Variants in CNTLN observed in about 807,000 individuals in gnomAD.
The protein encoded by CNTLN is centlein, centrosomal protein.
A neutral mutation model predicts 180.0 loss-of-function variants in CNTLN; 212 were observed. The ratio of observed to expected loss-of-function variants is 1.18; its 90% CI spans 1.05 to 1.32. CNTLN has a LOEUF of 1.32. CNTLN is among the 40% of genes most tolerant of loss of function. The pLI is 0.00. For missense variants in CNTLN, 2,095 were observed against 1,610.9 expected, an observed-to-expected ratio of 1.30 and a Z score of -5.14; for synonymous variants, 722 against 563.1, an observed-to-expected ratio of 1.28 and a Z score of -3.99.
intron 16 of CNTLN, among the ~76,000 whole-genome samples, chr9:17,410,700 A>T (rs1827778660): frequency 6.6e-6 from 1 of 152,228 alleles, no homozygotes; most frequent in African/African-American, 2.4e-5. Flanking sequence ...TGATTTTCAC[A>T]TCAATGTCTA....
chr9:17,380,964 C>G (rs7028577), intron 13 of CNTLN, among the ~76,000 whole-genome samples: 35,752 of 152,124 alleles, frequency 0.24, 4,435 homozygotes, highest in South Asian at 0.34. Context: ...CTTCTTTTGC[C>G]TATGTTTGGA....
chr9:17,190,536 C>G (rs180697669), intron 2 of CNTLN, among the ~76,000 whole-genome samples: 3 of 152,010 alleles, frequency 2.0e-5, no homozygotes, highest in African/African-American at 7.2e-5. Flanking sequence ...TAGCACATTT[C>G]TGTTGTTGTT....
intron 7 of CNTLN, among the ~76,000 whole-genome samples, chr9:17,305,421 A>G (rs1206503368): frequency 2.0e-5 from 3 of 152,188 alleles, no homozygotes; most frequent in African/African-American, 7.2e-5. Context: ...AACTGTTGTA[A>G]GGAATCTTAT....
At chr9:17,427,405 T>G (rs1479278182) in intron 18 of CNTLN, among the ~76,000 whole-genome samples, 1 of 152,024 alleles carries the variant, frequency 6.6e-6, no homozygotes, top group Non-Finnish European at 1.5e-5. Flanking sequence ...AATCTTTAGA[T>G]AGTTTAAAAA....
At chr9:17,271,348 T>C (rs1299690482) in intron 5 of CNTLN, among the ~76,000 whole-genome samples, 1 of 152,142 alleles carries the variant, frequency 6.6e-6, no homozygotes, top group Admixed American at 6.5e-5. Flanking sequence ...CAGGCTGGAA[T>C]TCTGTGTGAG....
intron 25 of CNTLN, among the ~76,000 whole-genome samples, chr9:17,493,342 G>A (rs1833270609): frequency 6.6e-6 from 1 of 152,032 alleles, no homozygotes; most frequent in Admixed American, 6.6e-5. Flanking sequence ...CCAAAATATT[G>A]GGAGGCTCTT....
chr9:17,449,249 C>A (rs1042195989), intron 18 of CNTLN, among the ~76,000 whole-genome samples: 1 of 152,036 alleles, frequency 6.6e-6, no homozygotes, highest in Middle Eastern at 3.2e-3. Context: ...AGGTATATCT[C>A]CCAGTGCTAT....
Position 17,395,023 on chromosome 9 carries a change from T to G in CNTLN, c.2569T>G (p.Phe857Val). 6.2e-7 allele frequency: 1 copy of G among 1,612,982 alleles called. No homozygotes were observed. The highest frequency in any genetic ancestry group is 8.5e-7 in the Non-Finnish European group (1 of 1,179,192). ...NHSIKVMSNVFENLSKDGWED... is the reference protein window; with the variant it reads ...NHSIKVMSNVVENLSKDGWED... ...TTCCATCAAGGTTATGAGCAATGTG[T>G]TTGAGAACCTCAGCAAGGACGGCTG... is the stretch of plus-strand genomic sequence containing the variant. The change falls in exon 15 of 26, where the codon TTT becomes GTT. Residue 857 changes from phenylalanine to valine, a missense_variant. Phe to Val is a conservative substitution (Grantham distance 50). Coordinates refer to ENST00000380647, the MANE Select transcript of CNTLN (RefSeq NM_017738.4).
At chr9:17,259,648 T>A (rs187398843) in intron 5 of CNTLN, among the ~76,000 whole-genome samples, 9 of 151,218 alleles carry the variant, frequency 6.0e-5, no homozygotes, top group Admixed American at 3.3e-4. Context: ...TGCCACAATT[T>A]CAGATCCTGT....
intron 2 of CNTLN, among the ~76,000 whole-genome samples, chr9:17,156,026 C>G (rs576862361): frequency 6.6e-6 from 1 of 152,284 alleles, no homozygotes; most frequent in African/African-American, 2.4e-5. Flanking sequence ...AGGCGGTGCC[C>G]CACCCTGCTT....
chr9:17,371,313 C>G (rs1824297720), intron 13 of CNTLN, among the ~76,000 whole-genome samples: 1 of 152,042 alleles, frequency 6.6e-6, no homozygotes, highest in South Asian at 2.1e-4. Flanking sequence ...CAAAGAAGAG[C>G]AGGAGTAGCT....
chr9:17,144,898 G>C (rs113317845), intron 2 of CNTLN, among the ~76,000 whole-genome samples: 2,975 of 149,148 alleles, frequency 0.02, 110 homozygotes, highest in African/African-American at 0.068. Flanking sequence ...GCGGACTGCA[G>C]TGGCGCAATC....
chr9:17,432,555 C>T (rs550118247), intron 18 of CNTLN, among the ~76,000 whole-genome samples: 1 of 151,958 alleles, frequency 6.6e-6, no homozygotes, highest in East Asian at 1.9e-4. Flanking sequence ...ATTAGGACTC[C>T]TGAAGGATGG....
chr9:17,528,388 C>G, the CNTLN span, among the ~76,000 whole-genome samples: 1 of 152,136 alleles, frequency 6.6e-6, no homozygotes, highest in Admixed American at 6.5e-5. Flanking sequence ...ATAATCCCAG[C>G]TTGATTATGA....
intron 5 of CNTLN, among the ~76,000 whole-genome samples, chr9:17,270,430 G>A (rs546404774): frequency 2.0e-5 from 3 of 152,022 alleles, no homozygotes; most frequent in Non-Finnish European, 4.4e-5. Flanking sequence ...ATTTTCTAAT[G>A]TTAAGGCATC....
rs1292499800 is a variant in CNTLN, at chr9:17,309,351, A to T, written c.1341+99A>T. 10 of 949,826 alleles carry T rather than the reference A, an allele frequency of 1.1e-5. No individual in the cohort carries two copies. In the East Asian group the frequency reaches 2.1e-4, roughly 20 times the overall value. 58.8% of individuals were successfully genotyped at this position (949,826 alleles called of 1,614,324 possible). ...TAAAAATTTAAATATATTTGCATTTATTGGAGTATAAGAAGTGTGCAGATT... is the reference window on the plus strand; with the variant it reads ...TAAAAATTTAAATATATTTGCATTTTTTGGAGTATAAGAAGTGTGCAGATT... On this transcript the variant is annotated intron_variant, in intron 8 of 25. Coordinates refer to ENST00000380647, the MANE Select transcript of CNTLN (RefSeq NM_017738.4).
At chr9:17,364,397 A>G (rs972397158) in intron 12 of CNTLN, among the ~76,000 whole-genome samples, 1 of 151,672 alleles carries the variant, frequency 6.6e-6, no homozygotes, top group African/African-American at 2.4e-5. Flanking sequence ...TGAGTTTTAA[A>G]TTTCTGGTAT....
the CNTLN span, among the ~76,000 whole-genome samples, chr9:17,517,554 A>G: frequency 1.8e-4 from 28 of 152,266 alleles, no homozygotes; most frequent in Non-Finnish European, 3.7e-4. Flanking sequence ...ATTGGGAGAC[A>G]CAAAGATACA....
intron 18 of CNTLN, among the ~76,000 whole-genome samples, chr9:17,419,105 CTG>C (rs1412622389): frequency 6.6e-6 from 1 of 151,926 alleles, no homozygotes; most frequent in African/African-American, 2.4e-5. Flanking sequence ...ATCACTTTAA[CTG>C]TATTTTTTTG....
Sources: allele counts gnomAD v4.1 joint callset (sites outside exome capture counted in the v4.1 genomes callset), GRCh38; gene constraint gnomAD v4.1.1; transcripts MANE v1.5; gene names NCBI Gene and HGNC (gene_info 2026-07-23, HGNC 2026-07-21).